ALS2: variants seen among roughly 807,000 people sequenced by gnomAD.
ALS2 encodes the protein alsin.
In ALS2, 117 loss-of-function variants were observed where a neutral mutation model predicts 203.4. The observed-to-expected ratio is 0.58, with a 90% confidence interval of 0.50 to 0.67. ALS2 has a LOEUF of 0.67. Among genes scored for constraint, ALS2 ranks in the 30% least tolerant of loss-of-function variants. The probability of loss-of-function intolerance (pLI) is 0.00; values close to 1 mark genes in which losing one functional copy is unlikely to be tolerated. For missense variants in ALS2, 1,715 were observed against 1,989.4 expected, an observed-to-expected ratio of 0.86 and a Z score of 2.62; for synonymous variants, 718 against 725.9, an observed-to-expected ratio of 0.99 and a Z score of 0.17.
Position 201,726,644 on chromosome 2 carries a change from T to C in ALS2, c.3182+20A>G. Reference sequence around the variant, plus strand: ...GTGATGATCATCCTCACCCCAGGCATAAATCTTCAACATTTTCACCTGCCA... The same window carrying C: ...GTGATGATCATCCTCACCCCAGGCACAAATCTTCAACATTTTCACCTGCCA... On this transcript the variant is annotated intron_variant, in intron 18 of 33. Transcript: ENST00000264276. The C allele has an allele frequency of 6.2e-7, 1 of 1,613,296 alleles. No individual in the cohort carries two copies. Among genetic ancestry groups the C allele is most frequent in the Non-Finnish European group, 8.5e-7 (1 of 1,179,216 alleles).
chr2:201,741,668 A>G lies in ALS2; in HGVS notation c.2351+6T>C. The G allele has an allele frequency of 6.2e-7, 1 of 1,613,882 alleles. No individual in the cohort carries two copies. Among genetic ancestry groups the G allele is most frequent in the East Asian group, 2.2e-5 (1 of 44,864 alleles). On this transcript the variant is annotated splice_donor_region_variant and intron_variant, in intron 11 of 33. Transcript: ENST00000264276. The stretch of plus-strand genomic sequence containing the variant: ...GATTGAACATGACACGGGACTGGAT[A>G]CTTGCTCTGTATAACTATCCAAGAA...
intron 3 of ALS2, among the ~76,000 whole-genome samples, chr2:201,766,477 C>T (rs1263819679): frequency 2.6e-5 from 4 of 151,450 alleles, no homozygotes; most frequent in African/African-American, 9.7e-5. Flanking sequence ...GAAACCCCAT[C>T]TCTACTAAAA....
At chr2:201,763,451 C>T (rs936401253) in intron 3 of ALS2, 2 of 266,750 alleles carry the variant, frequency 7.5e-6, no homozygotes, top group Non-Finnish European at 1.5e-5. Flanking sequence ...CTAACTGGCC[C>T]CCAACCTCTG....
At chr2:201,712,576 A>G (rs1310352586) in intron 25 of ALS2, among the ~76,000 whole-genome samples, 1 of 152,226 alleles carries the variant, frequency 6.6e-6, no homozygotes, top group East Asian at 1.9e-4. Flanking sequence ...TATTTTAACA[A>G]CGAAGGCACA....
intron 1 of ALS2, among the ~76,000 whole-genome samples, chr2:201,780,540 G>A (rs1374677057): frequency 2.6e-5 from 4 of 152,196 alleles, no homozygotes; most frequent in African/African-American, 9.6e-5. Context: ...CTGGAAGGCA[G>A]CGTGGGTGGA....
intron 4 of ALS2, 44 bp downstream of exon 4, chr2:201,760,837 T>C: frequency 6.3e-7 from 1 of 1,578,622 alleles, no homozygotes; most frequent in Non-Finnish European, 8.6e-7. Context: ...GCCCATACAG[T>C]TCAACTCTAG....
intron 23 of ALS2, chr2:201,720,278 T>A (rs1690682818): frequency 3.3e-6 from 1 of 306,560 alleles, no homozygotes; most frequent in Admixed American, 4.8e-5. Context: ...CATGACCAAG[T>A]ACAATTCATC....
At position 201,767,288 on chromosome 2, in the gene ALS2, C is replaced by T. The variant is rs2106102393; in HGVS notation, c.116G>A (p.Gly39Glu). ...GGCTGCCTGCAAAACAGTCTTTCCT[C>T]CCCAGCCTGGCAATCTCTCTGGTGT... ...PITPERLPGW[G>E]GKTVLQAALG... The change falls in exon 3 of 34, where the codon GGA becomes GAA. Residue 39 changes from glycine to glutamate, a missense_variant. Gly to Glu is a moderately conservative substitution (Grantham distance 98, BLOSUM62 -2). Around this residue, in one of 3 missense-constraint regions of ALS2, gnomAD observed 476 missense variants for 539.3 expected, o/e 0.88. Coordinates refer to ENST00000264276, the MANE Select transcript of ALS2 (RefSeq NM_020919.4). The T allele has an allele frequency of 6.2e-7, 1 of 1,614,074 alleles. No individual in the cohort carries two copies. Among genetic ancestry groups the T allele is most frequent in the Non-Finnish European group, 8.5e-7 (1 of 1,180,018 alleles).
Position 201,746,653 on chromosome 2 carries a change from G to A in ALS2, c.1911C>T (p.Tyr637=). The part of the protein sequence containing the change: ...DTEDFQPGLY[Y]SGRQDPTEGD... ...CTTCTGTAGGGTCCTGTCGGCCACT[G>A]TAATATAACCCAGGCTGGAAGTCTT... The change falls in exon 9 of 34, where the codon TAC becomes TAT. Residue 637 remains tyrosine, a synonymous_variant. Coordinates refer to ENST00000264276, the MANE Select transcript of ALS2 (RefSeq NM_020919.4). 6.2e-7 allele frequency: 1 copy of A among 1,614,146 alleles called. No individual in the cohort carries two copies. The highest frequency in any genetic ancestry group is 2.2e-5 in the East Asian group (1 of 44,880).
intron 1 of ALS2, among the ~76,000 whole-genome samples, chr2:201,772,850 A>ATTTTT (rs578253808): frequency 1.8e-5 from 2 of 108,846 alleles, no homozygotes; most frequent in African/African-American, 3.6e-5. Context: ...TGCTTTCATG[A>ATTTTT]TTTTTTTTTT....
Position 201,701,801 on chromosome 2 carries a change from T to A in ALS2, c.*50A>T, listed in dbSNP as rs1329038098. ...GCCACTACAGGAAGACTCCAGATGGTGTTATAACACTCTGTAGTAGATAAT... is the reference window on the plus strand; with the variant it reads ...GCCACTACAGGAAGACTCCAGATGGAGTTATAACACTCTGTAGTAGATAAT... On this transcript the variant is annotated 3_prime_UTR_variant, in exon 34 of 34. Coordinates refer to ENST00000264276, the MANE Select transcript of ALS2 (RefSeq NM_020919.4). 6.4e-7 allele frequency: 1 copy of A among 1,564,270 alleles called. No individual in the cohort carries two copies. Among genetic ancestry groups the A allele is most frequent in the East Asian group, 2.2e-5 (1 of 44,586 alleles).
At chr2:201,769,037 A>C in intron 1 of ALS2, 92 bp from the exon 2 acceptor site, 1 of 607,716 alleles carries the variant, frequency 1.6e-6, no homozygotes, top group Non-Finnish European at 2.9e-6. Flanking sequence ...ACAAGTGCAC[A>C]TTCACTAGGA....
intron 14 of ALS2, 81 bp from the exon 15 acceptor site, chr2:201,728,721 A>C: frequency 5.3e-6 from 8 of 1,516,030 alleles, no homozygotes; most frequent in Non-Finnish European, 7.3e-6. Flanking sequence ...ACAGACACAA[A>C]TCACATTTAA....
At chr2:201,753,298 G>T in intron 6 of ALS2, 56 bp from the exon 7 acceptor site, 2 of 1,423,934 alleles carry the variant, frequency 1.4e-6, no homozygotes, top group Non-Finnish European at 9.9e-7. Flanking sequence ...AAGAATCGTA[G>T]CCTTTCTCAA....
intron 15 of ALS2, among the ~76,000 whole-genome samples, 176 bp from the exon 16 acceptor site, chr2:201,727,951 A>T (rs949083561): frequency 6.6e-6 from 1 of 152,036 alleles, no homozygotes; most frequent in Non-Finnish European, 1.5e-5. Flanking sequence ...TCCCCATAAC[A>T]CAGCTAACCC....
intron 4 of ALS2, chr2:201,760,677 T>C (rs943732253): frequency 7.3e-7 from 1 of 1,378,542 alleles, no homozygotes; most frequent in Non-Finnish European, 9.3e-7. Context: ...TTCAATATCA[T>C]AAAGGGCCAG....
chr2:201,726,871 G>C lies in ALS2; in HGVS notation c.2980-5C>G. 3.1e-6 allele frequency: 5 copies of C among 1,613,244 alleles called. No individual in the cohort carries two copies. The highest frequency in any genetic ancestry group is 4.2e-6 in the Non-Finnish European group (5 of 1,179,574). Reference sequence around the variant, plus strand: ...TATAGCTCGTAGCCACTTTGTCTAGGAGCAAAAAGTAACGTCAATAAGTTT... The same window carrying C: ...TATAGCTCGTAGCCACTTTGTCTAGCAGCAAAAAGTAACGTCAATAAGTTT... On this transcript the variant is annotated splice_region_variant and splice_polypyrimidine_tract_variant and intron_variant, in intron 17 of 33. Transcript: ENST00000264276.
chr2:201,746,798 GA>G lies in ALS2; in HGVS notation c.1816-51del, dbSNP rs774392738. Reference sequence around the variant, plus strand: ...TGTCCAAGATAAAGGCAATCAGAGAGAACTTCGGATCCACAGGAACTGAAAC... The same window carrying G: ...TGTCCAAGATAAAGGCAATCAGAGAGACTTCGGATCCACAGGAACTGAAAC... On this transcript the variant is annotated intron_variant, in intron 8 of 33. Coordinates refer to ENST00000264276, the MANE Select transcript of ALS2 (RefSeq NM_020919.4). The G allele has an allele frequency of 3.1e-6, 5 of 1,603,798 alleles. No homozygotes were observed. The South Asian group carries it at 5.5e-5, about 18-fold the overall frequency.
intron 11 of ALS2, chr2:201,741,101 A>G (rs1360410170): frequency 1.3e-5 from 2 of 154,578 alleles, no homozygotes; most frequent in Non-Finnish European, 2.9e-5. Context: ...AATACAAGTT[A>G]AGAAAACGTG....
Sources: allele counts gnomAD v4.1 joint callset (sites outside exome capture counted in the v4.1 genomes callset), GRCh38; gene constraint gnomAD v4.1.1; regional missense constraint gnomAD v4.1.1; transcripts MANE v1.5; gene names NCBI Gene and HGNC (gene_info 2026-07-23, HGNC 2026-07-21).